The following GABRB2 variants were observed in gnomAD, a reference collection of about 807,000 sequenced individuals.
GABRB2 encodes the protein gamma-aminobutyric acid type A receptor subunit beta2.
Under a neutral mutation model 54.7 loss-of-function variants are expected in GABRB2, and 16 were observed. The observed-to-expected ratio is 0.29, with a 90% CI of 0.20 to 0.44. The LOEUF is 0.44. Ranked by LOEUF, GABRB2 falls within the 20% of genes least tolerant of loss-of-function variation. The probability of loss-of-function intolerance (pLI) is 1.00; values close to 1 mark genes in which losing one functional copy is unlikely to be tolerated. For synonymous variants in GABRB2, 244 were observed against 233.8 expected (o/e 1.04, Z -0.40); for missense variants, 355 against 644.0 (o/e 0.55, Z 4.86).
chr5:161,487,057 G>A (rs1235870643), intron 3 of GABRB2, among the ~76,000 whole-genome samples: 2 of 151,882 alleles, frequency 1.3e-5, no homozygotes, highest in African/African-American at 4.8e-5. Context: ...TCTTCATGCT[G>A]CCCAGAAGAA....
Position 161,413,111 on chromosome 5 carries a change from G to C in GABRB2, c.459-2054C>G, listed in dbSNP as rs1003390088. ...TCTGTCTTCCAATAAAGTTTAAGCT[G>C]TTTAAGGGCACAGACTTTGTTCTAT... On this transcript the variant is annotated intron_variant, in intron 4 of 9. Coordinates refer to ENST00000393959, the MANE Select transcript of GABRB2 (RefSeq NM_001371727.1). 7.2e-5 allele frequency among the ~76,000 whole-genome samples: 11 copies of C among 152,160 alleles called. No homozygotes were observed. In the South Asian group the frequency reaches 1.9e-3, roughly 26 times the overall value.
intron 3 of GABRB2, among the ~76,000 whole-genome samples, chr5:161,489,578 A>G (rs1332727231): frequency 6.6e-6 from 1 of 151,356 alleles, no homozygotes; most frequent in Non-Finnish European, 1.5e-5. Flanking sequence ...TCACTAGCTT[A>G]GCATCTCAGT....
At chr5:161,468,262 T>C (rs1758334543) in intron 3 of GABRB2, among the ~76,000 whole-genome samples, 1 of 152,118 alleles carries the variant, frequency 6.6e-6, no homozygotes, top group Non-Finnish European at 1.5e-5. Context: ...CTTATTACGA[T>C]GGCCTTTAAG....
intron 4 of GABRB2, among the ~76,000 whole-genome samples, chr5:161,447,703 G>A (rs1321116977): frequency 1.3e-5 from 2 of 152,132 alleles, no homozygotes; most frequent in East Asian, 3.8e-4. Flanking sequence ...CAGGAATGAG[G>A]TAGAAATCTT....
At chr5:161,422,300 T>C (rs143201541) in intron 4 of GABRB2, among the ~76,000 whole-genome samples, 97 of 152,214 alleles carry the variant, frequency 6.4e-4, no homozygotes, top group African/African-American at 2.2e-3. Flanking sequence ...ATAGCTAATA[T>C]ATAAGTAGAT....
At chr5:161,299,681 T>C (rs1757481144) in intron 9 of GABRB2, among the ~76,000 whole-genome samples, 1 of 152,042 alleles carries the variant, frequency 6.6e-6, no homozygotes, top group South Asian at 2.1e-4. Flanking sequence ...TTCCTCTTTC[T>C]CACCTGCTCC....
At chr5:161,391,295 G>C (rs1755813005) in intron 5 of GABRB2, among the ~76,000 whole-genome samples, 1 of 152,128 alleles carries the variant, frequency 6.6e-6, no homozygotes, top group Admixed American at 6.6e-5. Context: ...TGTTAAGCAG[G>C]AGCATATGTT....
At chr5:161,351,642 A>G (rs758837469) in intron 5 of GABRB2, among the ~76,000 whole-genome samples, 1 of 152,090 alleles carries the variant, frequency 6.6e-6, no homozygotes, top group African/African-American at 2.4e-5. Context: ...TGGTCTGGGC[A>G]ATAATTTTTG....
chr5:161,401,666 C>T (rs539630702), intron 5 of GABRB2, among the ~76,000 whole-genome samples: 2 of 152,172 alleles, frequency 1.3e-5, no homozygotes, highest in South Asian at 2.1e-4. Flanking sequence ...ACATTTAAGT[C>T]GCATCAAATG....
At chr5:161,300,039 C>T (rs1222502993) in intron 9 of GABRB2, among the ~76,000 whole-genome samples, 2 of 152,138 alleles carry the variant, frequency 1.3e-5, no homozygotes, top group Non-Finnish European at 2.9e-5. Flanking sequence ...CATCATTTCC[C>T]TTTCTTTTCC....
At chr5:161,428,065 T>A (rs1259342507) in intron 4 of GABRB2, among the ~76,000 whole-genome samples, 1 of 152,158 alleles carries the variant, frequency 6.6e-6, no homozygotes, top group East Asian at 1.9e-4. Flanking sequence ...TTAGACTCTG[T>A]TTTCCTGAGA....
chr5:161,356,770 G>A (rs1754643545), intron 5 of GABRB2, among the ~76,000 whole-genome samples: 1 of 152,086 alleles, frequency 6.6e-6, no homozygotes, highest in Admixed American at 6.6e-5. Context: ...AACACAGAGA[G>A]GCACTCTTTG....
rs546929470 is a variant in GABRB2 at position 161,536,240 on chromosome 5, C to G, written c.237+8987G>C. On this transcript the variant is annotated intron_variant, in intron 3 of 9. Transcript: ENST00000393959. ...ATGGTGGAGAATGTTGAGCGCTGTA[C>G]GAAAGTTCAGGAGGGGATGAGAGGA... is the stretch of plus-strand genomic sequence containing the variant. 3.3e-5 allele frequency among the ~76,000 whole-genome samples: 5 copies of G among 151,736 alleles called. No homozygotes were observed. The South Asian group carries it at 1.0e-3, about 32-fold the overall frequency.
chr5:161,340,341 G>A (rs1754121818), intron 5 of GABRB2, among the ~76,000 whole-genome samples: 1 of 152,018 alleles, frequency 6.6e-6, no homozygotes, highest in South Asian at 2.1e-4. Flanking sequence ...ATTATTTAAT[G>A]CACATGTGAC....
At chr5:161,421,524 C>CTGACTCAA (rs1488256481) in intron 4 of GABRB2, among the ~76,000 whole-genome samples, 4 of 152,208 alleles carry the variant, frequency 2.6e-5, no homozygotes, top group Admixed American at 2.6e-4. Flanking sequence ...TATTCTGTGG[C>CTGACTCAA]TGACTCAATG....
chr5:161,340,287 G>A (rs11954670), intron 5 of GABRB2, among the ~76,000 whole-genome samples: 109 of 152,100 alleles, frequency 7.2e-4, no homozygotes, highest in African/African-American at 2.5e-3. Context: ...GCAATACCTC[G>A]TGTGAAGTAG....
chr5:161,434,881 A>G (rs1477062248), intron 4 of GABRB2, among the ~76,000 whole-genome samples: 3 of 152,162 alleles, frequency 2.0e-5, no homozygotes, highest in Admixed American at 2.0e-4. Context: ...AGAAATCTGG[A>G]TATCAGTCCA....
chr5:161,350,951 ACTGGCTTC>A (rs1420503912), intron 5 of GABRB2, among the ~76,000 whole-genome samples: 3 of 151,904 alleles, frequency 2.0e-5, no homozygotes, highest in Non-Finnish European at 4.4e-5. Context: ...AAATTTGGGG[ACTGGCTTC>A]CTGGCTTCTC....
At chr5:161,543,937 C>A (rs1760893134) in intron 3 of GABRB2, among the ~76,000 whole-genome samples, 1 of 152,264 alleles carries the variant, frequency 6.6e-6, no homozygotes, top group African/African-American at 2.4e-5. Context: ...AGATTAATGT[C>A]ATTAAAACAT....
Sources: allele counts gnomAD v4.1 joint callset (sites outside exome capture counted in the v4.1 genomes callset), GRCh38; gene constraint gnomAD v4.1.1; transcripts MANE v1.5; gene names NCBI Gene and HGNC (gene_info 2026-07-23, HGNC 2026-07-21).